The following NSD1 variants were observed in gnomAD, a reference collection of about 807,000 sequenced individuals.
The protein encoded by NSD1 is histone-lysine N-methyltransferase, H3 lysine-36 specific.
A neutral mutation model predicts 242.7 loss-of-function variants in NSD1; 26 were observed. The ratio of observed to expected loss-of-function variants is 0.11; its 90% CI spans 0.08 to 0.15. The LOEUF is 0.15. Among genes scored for constraint, NSD1 ranks in the 10% least tolerant of loss-of-function variants. The pLI, the probability that NSD1 is intolerant of heterozygous loss-of-function variation, is 1.00. For synonymous variants in NSD1, 1,106 were observed against 1,178.1 expected (o/e 0.94, Z 1.25); for missense variants, 2,495 against 3,272.8 (o/e 0.76, Z 5.80).
At chr5:177,227,130 TG>T (rs1191769940) in intron 5 of NSD1, among the ~76,000 whole-genome samples, 1 of 152,152 alleles carries the variant, frequency 6.6e-6, no homozygotes, top group Non-Finnish European at 1.5e-5. Context: ...CATGGAAAGA[TG>T]GGGATACAGA....
chr5:177,149,961 C>T (rs916716659), intron 2 of NSD1, among the ~76,000 whole-genome samples: 9 of 151,844 alleles, frequency 5.9e-5, no homozygotes, highest in African/African-American at 2.2e-4. Flanking sequence ...TTTTTTGAGA[C>T]AGTCTTACTC....
chr5:177,223,274 C>T (rs1003282235), intron 5 of NSD1, among the ~76,000 whole-genome samples: 2 of 151,718 alleles, frequency 1.3e-5, no homozygotes, highest in African/African-American at 4.8e-5. Flanking sequence ...GAGAGCCAGT[C>T]TAGGCACGGT....
intron 3 of NSD1, among the ~76,000 whole-genome samples, chr5:177,198,964 C>T (rs1474333735): frequency 6.6e-6 from 1 of 152,198 alleles, no homozygotes; most frequent in Non-Finnish European, 1.5e-5. Context: ...CTTTCTGTTT[C>T]TGTGGATTTG....
chr5:177,185,066 G>A (rs925826659), intron 2 of NSD1, among the ~76,000 whole-genome samples: 2 of 152,054 alleles, frequency 1.3e-5, no homozygotes, highest in African/African-American at 2.4e-5. Flanking sequence ...AGTCCTTAGA[G>A]TTGCGATAAT....
chr5:177,239,534 A>AC (rs1765695528), intron 7 of NSD1, among the ~76,000 whole-genome samples: 1 of 152,218 alleles, frequency 6.6e-6, no homozygotes, highest in African/African-American at 2.4e-5. Context: ...AAGTCACCAC[A>AC]CACACATCCC....
At chr5:177,138,718 C>A (rs1756558011) in intron 2 of NSD1, among the ~76,000 whole-genome samples, 2 of 152,066 alleles carry the variant, frequency 1.3e-5, no homozygotes, top group South Asian at 4.1e-4. Context: ...CGGCTCACTG[C>A]AATCTCCGCC....
At chr5:177,184,988 T>C (rs1400838201) in intron 2 of NSD1, among the ~76,000 whole-genome samples, 2 of 152,196 alleles carry the variant, frequency 1.3e-5, no homozygotes, top group Non-Finnish European at 2.9e-5. Flanking sequence ...TTTTGTCTTA[T>C]ATATTGCTGT....
At position 177,267,832 on chromosome 5, in the gene NSD1, C is replaced by T. The variant is rs868693264; in HGVS notation, c.5303+114C>T. The T allele has an allele frequency of 1.1e-5, 11 of 1,035,256 alleles. 1 individual carries two copies. In the Middle Eastern group the frequency reaches 2.2e-3, roughly 211 times the overall value. The allele number at this position is 1,035,256 out of a possible 1,614,324, so 64.1% of individuals were successfully genotyped here. ...CTACTTAATTACTCATGGTACTCCT[C>T]CCCTCTTCTTCTTGATTTTTTTCCT... On this transcript the variant is annotated intron_variant, in intron 15 of 22. Coordinates refer to ENST00000439151, the MANE Select transcript of NSD1 (RefSeq NM_022455.5).
intron 2 of NSD1, among the ~76,000 whole-genome samples, chr5:177,152,135 C>T (rs1757762890): frequency 6.6e-6 from 1 of 152,112 alleles, no homozygotes; most frequent in African/African-American, 2.4e-5. Flanking sequence ...GCTGGGATTA[C>T]AGGTGTGAGC....
intron 5 of NSD1, among the ~76,000 whole-genome samples, chr5:177,213,005 T>G (rs1026877867): frequency 2.0e-5 from 3 of 152,178 alleles, no homozygotes; most frequent in Non-Finnish European, 4.4e-5. Context: ...CCACATGCGC[T>G]TTTGAAAAAA....
chr5:177,148,092 C>T (rs943729200), intron 2 of NSD1, among the ~76,000 whole-genome samples: 4 of 151,032 alleles, frequency 2.6e-5, no homozygotes, highest in Non-Finnish European at 2.9e-5. Context: ...AGAACAATTG[C>T]AGTATTATAT....
At chr5:177,157,904 A>C (rs911649387) in intron 2 of NSD1, among the ~76,000 whole-genome samples, 3 of 152,198 alleles carry the variant, frequency 2.0e-5, no homozygotes, top group South Asian at 2.1e-4. Flanking sequence ...ATAATGTTTT[A>C]AGGCCCATTT....
chr5:177,266,530 CT>C, intron 14 of NSD1: 3 of 657,328 alleles, frequency 4.6e-6, no homozygotes, highest in Admixed American at 2.4e-5. Context: ...CTTCTCGCTG[CT>C]TTCCGCCTGG....
chr5:177,257,981 T>TTC (rs1403174918), intron 13 of NSD1, among the ~76,000 whole-genome samples: 1 of 137,800 alleles, frequency 7.3e-6, no homozygotes, highest in Non-Finnish European at 1.6e-5. Context: ...GCCTTTTTTT[T>TTC]TTTTTTTTTT....
chr5:177,238,311 G>C lies in NSD1; in HGVS notation c.3996G>C (p.Glu1332Asp). ...GTGCTCAGAACAAGCAGGTGGACGA[G>C]AATTCTTTGATTTCAACCAAAGAAG... ...RSSAQNKQVD[E>D]NSLISTKEEP... Residue 1332 changes from glutamate (E) to aspartate (D), a missense_variant, in exon 7 of 23, where the codon GAG becomes GAC. Around this residue, in one of 19 missense-constraint regions of NSD1, gnomAD observed 100 missense variants for 190.7 expected, o/e 0.52. Coordinates refer to ENST00000439151, the MANE Select transcript of NSD1 (RefSeq NM_022455.5). The surrounding 1 kb of genome is among the most constrained non-coding windows in gnomAD (Gnocchi z 4.6). 4 of 1,614,130 alleles carry C rather than the reference G, an allele frequency of 2.5e-6. No homozygotes were observed. The highest frequency in any genetic ancestry group is 3.4e-6 in the Non-Finnish European group (4 of 1,180,022).
chr5:177,289,071 G>A lies in NSD1; in HGVS notation c.6258+146G>A, dbSNP rs959346690. 29 of 697,770 alleles carry A rather than the reference G, an allele frequency of 4.2e-5. 1 individual carries two copies. The highest frequency in any genetic ancestry group is 7.3e-4 in the Middle Eastern group (2 of 2,742). The allele number at this position is 697,770 out of a possible 1,614,324, so 43.2% of individuals were successfully genotyped here. A position where few individuals can be genotyped will look rare whatever the true frequency, so the allele number is the denominator to read the frequency against. ...ATGGTGGCTCATGCCTGTAATCCCA[G>A]CACTTTGGGAGGCTGAGGTGGGCGG... On this transcript the variant is annotated intron_variant, in intron 21 of 22. Transcript: ENST00000439151.
intron 2 of NSD1, among the ~76,000 whole-genome samples, chr5:177,154,552 G>A (rs538233120): frequency 1.3e-5 from 2 of 152,182 alleles, no homozygotes; most frequent in Admixed American, 6.6e-5. Flanking sequence ...CTCAGGTAAC[G>A]CACCTCCAAT....
intron 17 of NSD1, among the ~76,000 whole-genome samples, chr5:177,278,798 A>T (rs1339270335): frequency 6.6e-6 from 1 of 152,256 alleles, no homozygotes; most frequent in Non-Finnish European, 1.5e-5. Flanking sequence ...GTCTTAGAAG[A>T]CTAAATTTGA....
chr5:177,151,925 A>G (rs1757742448), intron 2 of NSD1, among the ~76,000 whole-genome samples: 1 of 151,316 alleles, frequency 6.6e-6, no homozygotes, highest in Non-Finnish European at 1.5e-5. Flanking sequence ...CAGTGGTGCC[A>G]TCTCGGCTCA....
Sources: allele counts gnomAD v4.1 joint callset (sites outside exome capture counted in the v4.1 genomes callset), GRCh38; gene constraint gnomAD v4.1.1; regional missense constraint gnomAD v4.1.1; non-coding constraint Gnocchi (gnomAD v3.1); transcripts MANE v1.5; gene names NCBI Gene and HGNC (gene_info 2026-07-23, HGNC 2026-07-21).